SLC12A8: variants seen among roughly 807,000 people sequenced by gnomAD.
SLC12A8 encodes the protein cation-chloride cotransporter 9.
A neutral mutation model predicts 75.6 loss-of-function variants in SLC12A8; 69 were observed. The observed-to-expected ratio is 0.91, with a 90% CI of 0.75 to 1.11. The LOEUF (loss-of-function observed/expected upper bound fraction) is 1.11, where lower values mean the gene tolerates loss of function less well. Ranked by LOEUF, SLC12A8 falls within the 50% of genes most tolerant of loss-of-function variation. The pLI, the probability that SLC12A8 is intolerant of heterozygous loss-of-function variation, is 0.00. For synonymous variants in SLC12A8, 365 were observed against 372.8 expected, an observed-to-expected ratio of 0.98 and a Z score of 0.24; for missense variants, 877 against 896.7, an observed-to-expected ratio of 0.98 and a Z score of 0.28.
chr3:125,092,060 T>C, intron 11 of SLC12A8, 41 bp downstream of exon 11: 1 of 1,449,488 alleles, frequency 6.9e-7, no homozygotes, highest in Non-Finnish European at 9.7e-7. Context: ...CCACCTGAAC[T>C]CTGTCCCAAG....
At chr3:125,200,035 C>T (rs6801517) in intron 2 of SLC12A8, among the ~76,000 whole-genome samples, 91,740 of 151,910 alleles carry the variant, frequency 0.6, 28,031 homozygotes, top group Non-Finnish European at 0.65. Flanking sequence ...AAACCAGAAG[C>T]CATTAGCAAT....
intron 12 of SLC12A8, among the ~76,000 whole-genome samples, chr3:125,088,593 C>T (rs1938518038): frequency 6.6e-6 from 1 of 152,136 alleles, no homozygotes; most frequent in African/African-American, 2.4e-5. Flanking sequence ...AGTTTATTTC[C>T]AAACTCCAAA....
intron 3 of SLC12A8, 21 bp downstream of exon 3, chr3:125,190,354 G>A: frequency 6.2e-7 from 1 of 1,613,356 alleles, no homozygotes; most frequent in Non-Finnish European, 8.5e-7. Context: ...AGAGGCTCCA[G>A]GCCACCAACT....
chr3:125,124,579 G>A (rs1420285368), intron 6 of SLC12A8, among the ~76,000 whole-genome samples: 16 of 152,084 alleles, frequency 1.1e-4, no homozygotes, highest in Admixed American at 8.5e-4. Context: ...TGACTGCCTC[G>A]GCCTCCAAAG....
intron 5 of SLC12A8, among the ~76,000 whole-genome samples, chr3:125,164,921 G>T (rs986928915): frequency 6.6e-6 from 1 of 152,226 alleles, no homozygotes; most frequent in Admixed American, 6.5e-5. Context: ...GTGCAGACAG[G>T]GTTAAGAACC....
chr3:125,140,327 T>C (rs148297318), intron 5 of SLC12A8, among the ~76,000 whole-genome samples: 195 of 152,304 alleles, frequency 1.3e-3, no homozygotes, highest in African/African-American at 4.4e-3. Flanking sequence ...TGAAAAAGCT[T>C]GTCCGAGGGT....
chr3:125,148,929 G>C (rs1447633811), intron 5 of SLC12A8, among the ~76,000 whole-genome samples: 1 of 152,130 alleles, frequency 6.6e-6, no homozygotes, highest in African/African-American at 2.4e-5. Flanking sequence ...ACAGCCAGGG[G>C]ACACCTGCCA....
intron 5 of SLC12A8, among the ~76,000 whole-genome samples, chr3:125,144,835 G>A (rs1379730425): frequency 2.0e-5 from 3 of 152,122 alleles, no homozygotes; most frequent in African/African-American, 7.2e-5. Flanking sequence ...GACGGGGTGG[G>A]AGGTCAAGTG....
Position 125,091,450 on chromosome 3 carries a change from C to A in SLC12A8, c.1910G>T (p.Gly637Val). ...VYFYIGRASP[G>V]LHLGSASNFS... ...GCTCTGCTGCTTACCAAGGTGAAGC[C>A]CTGGACTGGCCCGGCCAATGTAGAA... is the stretch of plus-strand genomic sequence containing the variant. The change falls in exon 12 of 14, where the codon GGG becomes GTG. Residue 637 changes from glycine to valine, a missense_variant. Transcript: ENST00000469902. 1 of 1,613,248 alleles carries A rather than the reference C, an allele frequency of 6.2e-7. No homozygotes were observed. Among genetic ancestry groups the A allele is most frequent in the Non-Finnish European group, 8.5e-7 (1 of 1,179,392 alleles).
rs778862410 is a variant in SLC12A8 at position 125,107,924 on chromosome 3, C to G, written c.1262G>C (p.Arg421Thr). ...GCAGTGGAGGCCTTCTGCGCCCTCCCTGAGCACCGGCTCAGGCACCGGGGT... is the reference window on the plus strand; with the variant it reads ...GCAGTGGAGGCCTTCTGCGCCCTCCGTGAGCACCGGCTCAGGCACCGGGGT... Reference protein sequence around the residue: ...SLTPVPEPVLREGAEGLHCSE... With the variant: ...SLTPVPEPVLTEGAEGLHCSE... The change falls in exon 10 of 14, where the codon AGG (arginine) becomes ACG (threonine). Residue 421 changes from arginine to threonine, a missense_variant. By Grantham distance (71) the Arg-to-Thr change is moderately conservative. Transcript: ENST00000469902. 1 of 1,614,186 alleles carries G rather than the reference C, an allele frequency of 6.2e-7. No individual in the cohort carries two copies. Among genetic ancestry groups the G allele is most frequent in the Non-Finnish European group, 8.5e-7 (1 of 1,180,028 alleles).
chr3:125,183,141 C>G (rs963408613), intron 4 of SLC12A8, among the ~76,000 whole-genome samples: 2 of 152,206 alleles, frequency 1.3e-5, no homozygotes, highest in Non-Finnish European at 2.9e-5. Context: ...CACTCAGCAA[C>G]TGCCCAGCCT....
intron 5 of SLC12A8, 92 bp downstream of exon 5, chr3:125,177,650 TA>T (rs1228155958): frequency 1.8e-5 from 15 of 843,492 alleles, no homozygotes; most frequent in South Asian, 7.9e-5. Context: ...CTATGGGGGT[TA>T]GGGGGAGATG....
Position 125,107,791 on chromosome 3 carries a change from G to A in SLC12A8, c.1395C>T (p.Leu465=), listed in dbSNP as rs763554977. 2 of 1,614,108 alleles carry A rather than the reference G, an allele frequency of 1.2e-6. No homozygotes were observed. Among genetic ancestry groups the A allele is most frequent in the Admixed American group, 3.3e-5 (2 of 60,006 alleles). ...LLEFTKDMDQ[L]LQLTRKLESS... ...TCTCAAGCTTCCTGGTTAGCTGGAG[G>A]AGCTGATCCATGTCCTTGGTGAATT... Residue 465 remains leucine (L), a synonymous_variant, in exon 10 of 14, where the codon CTC becomes CTT. Coordinates refer to ENST00000469902, the MANE Select transcript of SLC12A8 (RefSeq NM_024628.6).
At chr3:125,101,574 A>G (rs1367290959) in intron 10 of SLC12A8, among the ~76,000 whole-genome samples, 1 of 152,208 alleles carries the variant, frequency 6.6e-6, no homozygotes. Flanking sequence ...TGTGTTGTAC[A>G]AATGTTTTTT....
At chr3:125,178,479 T>C (rs7637298) in intron 4 of SLC12A8, among the ~76,000 whole-genome samples, 3,055 of 152,308 alleles carry the variant, frequency 0.02, 101 homozygotes, top group African/African-American at 0.069. Context: ...TTCAACGTCA[T>C]ATGTGGCAAA....
intron 8 of SLC12A8, among the ~76,000 whole-genome samples, chr3:125,117,580 AGT>A (rs1156728919): frequency 6.6e-6 from 1 of 152,148 alleles, no homozygotes; most frequent in Non-Finnish European, 1.5e-5. Context: ...TGGGTGACAG[AGT>A]GAGACCCTGT....
intron 5 of SLC12A8, among the ~76,000 whole-genome samples, chr3:125,140,324 G>T (rs578179905): frequency 2.6e-5 from 4 of 152,158 alleles, no homozygotes; most frequent in African/African-American, 9.7e-5. Flanking sequence ...ACGTGAAAAA[G>T]CTTGTCCGAG....
Position 125,141,696 on chromosome 3 carries a change from G to GCTGCGGA in SLC12A8, c.623-5915_623-5914insTCCGCAG, listed in dbSNP as rs1267333364. 2.1e-4 allele frequency among the ~76,000 whole-genome samples: 31 copies of GCTGCGGA among 149,408 alleles called. 3 individuals carry two copies. Among genetic ancestry groups the GCTGCGGA allele is most frequent in the Non-Finnish European group, 3.9e-4 (26 of 67,088 alleles). On this transcript the variant is annotated intron_variant, in intron 5 of 13. Transcript: ENST00000469902. ...GCAGGCTGCGGGCTGCGGGCTGCGG[G>GCTGCGGA]CTGCGGGCTGCTGCCGCGGCGGGGG...
At position 125,127,574 on chromosome 3, in the gene SLC12A8, T is replaced by C. The variant is rs759349591; in HGVS notation, c.737-6888A>G. On this transcript the variant is annotated intron_variant, in intron 6 of 13. Transcript: ENST00000469902. ...TTTTTTGAAAGTACAAAATTATGAA[T>C]ATAAAATTAGGAACAAGGCTTTGGA... Among the ~76,000 whole-genome samples the C allele has an allele frequency of 1.1e-3, 160 of 152,152 alleles. 2 individuals carry two copies. Among genetic ancestry groups the C allele is most frequent in the Non-Finnish European group, 9.8e-4 (67 of 68,028 alleles).
Sources: gnomAD v4.1 joint callset for allele counts (sites outside exome capture counted in the v4.1 genomes callset) on GRCh38, gnomAD v4.1.1 for gene constraint, MANE v1.5 for transcripts, NCBI Gene and HGNC (gene_info 2026-07-23, HGNC 2026-07-21) for gene names.